Variants in OPTN observed in about 807,000 individuals in gnomAD.
The protein encoded by OPTN is E3-14.7K-interacting protein.
In OPTN, 54 loss-of-function variants were observed where a neutral mutation model predicts 70.4. That is an observed-to-expected ratio of 0.77 (90% CI 0.62 to 0.96). The LOEUF is 0.96. Ranked by LOEUF, OPTN falls within the 40% of genes least tolerant of loss-of-function variation. The pLI is 0.00. For synonymous variants in OPTN, 256 were observed against 248.5 expected (o/e 1.03, Z -0.28); for missense variants, 624 against 673.2 (o/e 0.93, Z 0.81).
rs1335101825 is a variant in OPTN, at chr10:13,114,855, ATATTCTACAATTATATAATTGTAT to A, written c.553-1408_553-1385del. Among the ~76,000 whole-genome samples the A allele has an allele frequency of 1.9e-4, 15 of 77,702 alleles. 4 individuals carry two copies. The highest frequency in any genetic ancestry group is 1.4e-3 in the South Asian group (3 of 2,130). The allele number at this position is 77,702 out of a possible 152,430, so 51.0% of individuals were successfully genotyped here. Reference sequence around the variant, plus strand: ...TTATATAATTATATAATTGTATAATATATTCTACAATTATATAATTGTATTATATACACTTACATATGTATCTGT... The same window carrying A: ...TTATATAATTATATAATTGTATAATATATATACACTTACATATGTATCTGT... On this transcript the variant is annotated intron_variant, in intron 5 of 14. Transcript: ENST00000378747.
chr10:13,110,071 G>A (rs997103923), intron 3 of OPTN: 4 of 812,806 alleles, frequency 4.9e-6, no homozygotes, highest in Non-Finnish European at 7.4e-6. Flanking sequence ...GGATTTTTAA[G>A]GACTAGAAAT....
In OPTN at chr10:13,104,865, G is replaced by T. The variant is rs191813146; in HGVS notation, c.-163-3273G>T. 54 of 340,656 alleles carry T rather than the reference G, an allele frequency of 1.6e-4. No individual in the cohort carries two copies. In the East Asian group the frequency reaches 3.4e-3, roughly 21 times the overall value. 21.1% of individuals were successfully genotyped at this position (340,656 alleles called of 1,614,324 possible). On this transcript the variant is annotated intron_variant, in intron 1 of 14. Transcript: ENST00000378747. ...AGGAACGAAGAAGGGACAGCATGGG[G>T]GTGACCAGGGGCCCGACCGCAGGAC...
At chr10:13,104,448 T>C in intron 1 of OPTN, 1 of 202,840 alleles carries the variant, frequency 4.9e-6, no homozygotes, top group Non-Finnish European at 9.8e-6. Context: ...TTTTTTTTAC[T>C]ATTACAAAAT....
intron 1 of OPTN, among the ~76,000 whole-genome samples, chr10:13,102,348 G>A (rs1260386935): frequency 6.6e-6 from 1 of 152,258 alleles, no homozygotes; most frequent in Non-Finnish European, 1.5e-5. Context: ...AGTCTGTCGT[G>A]TATGGGAAGG....
intron 6 of OPTN, 83 bp from the exon 7 acceptor site, chr10:13,118,805 C>T (rs1833277045): frequency 8.4e-7 from 1 of 1,186,864 alleles, no homozygotes; most frequent in Admixed American, 1.7e-5. Flanking sequence ...TTCCTTTAAG[C>T]TGGTCCCAGT....
At chr10:13,119,443 T>C (rs553689403) in intron 7 of OPTN, among the ~76,000 whole-genome samples, 11 of 152,360 alleles carry the variant, frequency 7.2e-5, no homozygotes, top group Admixed American at 7.2e-4. Context: ...ATTTTGTTTA[T>C]TCATTCATCA....
intron 11 of OPTN, among the ~76,000 whole-genome samples, chr10:13,126,844 A>C (rs969014928): frequency 7.2e-5 from 11 of 152,168 alleles, no homozygotes; most frequent in African/African-American, 2.4e-4. Flanking sequence ...CCTGGGCAAC[A>C]GGGAGGCCCT....
At position 13,133,911 on chromosome 10, in the gene OPTN, C is replaced by CG. The variant is rs576566984; in HGVS notation, c.1612+332dup. Among the ~76,000 whole-genome samples the CG allele has an allele frequency of 1.9e-4, 29 of 152,218 alleles. 1 individual carries two copies. The South Asian group carries it at 6.0e-3, about 32-fold the overall frequency. On this transcript the variant is annotated intron_variant, in intron 14 of 14. Coordinates refer to ENST00000378747, the MANE Select transcript of OPTN (RefSeq NM_001008212.2). ...GCAACCTCCACTTCCTGTGTTCAAA[C>CG]GGTTCTCCTTCCACAGCCTCCCGAG...
At chr10:13,104,892 G>A (rs776827626) in intron 1 of OPTN, 9 of 286,720 alleles carry the variant, frequency 3.1e-5, no homozygotes, top group Non-Finnish European at 4.7e-5. Context: ...CCGCAGGACC[G>A]GGAGGCGAGT....
intron 9 of OPTN, among the ~76,000 whole-genome samples, chr10:13,124,553 G>A (rs747392820): frequency 9.2e-5 from 14 of 152,176 alleles, no homozygotes; most frequent in Non-Finnish European, 1.8e-4. Context: ...TAGATTGAGC[G>A]TTTGGCATTT....
At chr10:13,127,653 G>A in intron 11 of OPTN, 92 bp from the exon 12 acceptor site, 2 of 1,388,388 alleles carry the variant, frequency 1.4e-6, no homozygotes, top group Non-Finnish European at 1.0e-6. Context: ...GGCCAGAGCT[G>A]ATAATTAAAA....
intron 11 of OPTN, among the ~76,000 whole-genome samples, chr10:13,127,439 T>C (rs544600831): frequency 8.5e-4 from 130 of 152,248 alleles, no homozygotes; most frequent in Non-Finnish European, 1.5e-3. Context: ...TTCGGTGTTA[T>C]CACCTTTTTT....
chr10:13,115,209 TTATA>T (rs375778131), intron 5 of OPTN, among the ~76,000 whole-genome samples: 1 of 57,156 alleles, frequency 1.7e-5, no homozygotes, highest in Non-Finnish European at 3.1e-5. Context: ...ATATCTATAT[TTATA>T]TATATATTTA....
chr10:13,126,005 C>T lies in OPTN; in HGVS notation c.1208C>T (p.Ala403Val). Residue 403 changes from alanine to valine, a missense_variant, in exon 11 of 15, where the codon GCA (alanine) becomes GTA (valine). Transcript: ENST00000378747. ...HNKLLQEHNN[A>V]LKTIEELTRK... ...AAGCTTCTTCAAGAACATAATAATG[C>T]ATTGAAAACAATTGAGGAACTAACA... is the stretch of plus-strand genomic sequence containing the variant. 3 of 1,611,882 alleles carry T rather than the reference C, an allele frequency of 1.9e-6. No homozygotes were observed. The South Asian group carries it at 3.3e-5, about 18-fold the overall frequency.
chr10:13,120,061 C>G (rs1402251963), intron 7 of OPTN, among the ~76,000 whole-genome samples: 1 of 149,010 alleles, frequency 6.7e-6, no homozygotes, highest in Admixed American at 6.7e-5. Context: ...CGGCTCACTG[C>G]AAGCTCCGCC....
chr10:13,115,315 A>C (rs1222854018), intron 5 of OPTN, among the ~76,000 whole-genome samples: 2 of 106,420 alleles, frequency 1.9e-5, no homozygotes, highest in Non-Finnish European at 3.4e-5. Flanking sequence ...TATATAATAT[A>C]ACATAGAATA....
chr10:13,119,091 G>A lies in OPTN; in HGVS notation c.779+51G>A, dbSNP rs1833285437. 3.3e-6 allele frequency: 5 copies of A among 1,519,046 alleles called. No individual in the cohort carries two copies. The East Asian group carries it at 9.1e-5, about 28-fold the overall frequency. The allele number at this position is 1,519,046 out of a possible 1,614,324, so 94.1% of individuals were successfully genotyped here. A position where few individuals can be genotyped will look rare whatever the true frequency, so the allele number is the denominator to read the frequency against. Reference sequence around the variant, plus strand: ...TGTGTTTTTTTAAAACAGCTTTCCTGAGATATAATTAAGATACCATACAGT... The same window carrying A: ...TGTGTTTTTTTAAAACAGCTTTCCTAAGATATAATTAAGATACCATACAGT... On this transcript the variant is annotated intron_variant, in intron 7 of 14. Transcript: ENST00000378747.
chr10:13,105,256 A>G (rs1454660849), intron 1 of OPTN, among the ~76,000 whole-genome samples: 5 of 152,204 alleles, frequency 3.3e-5, no homozygotes, highest in East Asian at 3.9e-4. Flanking sequence ...TAGGACAGTT[A>G]TAGCTATTCA....
chr10:13,105,734 C>CT (rs1832852036), intron 1 of OPTN, among the ~76,000 whole-genome samples: 9 of 152,132 alleles, frequency 5.9e-5, no homozygotes. Flanking sequence ...CTTGGCAAAA[C>CT]CCTGTCTCTA....
Sources: gnomAD v4.1 joint callset for allele counts (sites outside exome capture counted in the v4.1 genomes callset) on GRCh38, gnomAD v4.1.1 for gene constraint, MANE v1.5 for transcripts, NCBI Gene and HGNC (gene_info 2026-07-23, HGNC 2026-07-21) for gene names.